SPAG17: variants seen among roughly 807,000 people sequenced by gnomAD.
SPAG17 encodes the protein sperm-associated antigen 17.
Under a neutral mutation model 273.6 loss-of-function variants are expected in SPAG17, and 169 were observed. The observed-to-expected ratio is 0.62, with a 90% CI of 0.55 to 0.70. SPAG17 has a LOEUF of 0.70. Among genes scored for constraint, SPAG17 ranks in the 30% least tolerant of loss-of-function variants. The pLI is 0.00. For missense variants in SPAG17, 2,557 were observed against 2,627.8 expected (o/e 0.97, Z 0.59); for synonymous variants, 825 against 873.2 (o/e 0.94, Z 0.97).
Position 118,023,473 on chromosome 1 carries a change from G to C in SPAG17, c.3910-10C>G. The C allele has an allele frequency of 6.2e-7, 1 of 1,600,472 alleles. No individual in the cohort carries two copies. The highest frequency in any genetic ancestry group is 8.5e-7 in the Non-Finnish European group (1 of 1,173,526). Reference sequence around the variant, plus strand: ...CATCTGCAAAGAGAATCTGAAGAATGAACAAAAGTTTTCAGCATTCTCAGA... The same window carrying C: ...CATCTGCAAAGAGAATCTGAAGAATCAACAAAAGTTTTCAGCATTCTCAGA... On this transcript the variant is annotated splice_polypyrimidine_tract_variant and intron_variant, in intron 27 of 48. Coordinates refer to ENST00000336338, the MANE Select transcript of SPAG17 (RefSeq NM_206996.4).
At chr1:118,125,086 T>C (rs1208760530) in intron 3 of SPAG17, among the ~76,000 whole-genome samples, 1 of 152,148 alleles carries the variant, frequency 6.6e-6, no homozygotes, top group African/African-American at 2.4e-5. Flanking sequence ...CAACTCTAAA[T>C]AGCTGAGCTG....
chr1:118,016,947 A>G (rs1253411423), intron 28 of SPAG17, among the ~76,000 whole-genome samples: 2 of 152,234 alleles, frequency 1.3e-5, no homozygotes, highest in African/African-American at 2.4e-5. Context: ...TCACATCTCA[A>G]TGATGAGGTA....
chr1:117,987,063 AT>A (rs1260612847), intron 40 of SPAG17, among the ~76,000 whole-genome samples: 1 of 152,138 alleles, frequency 6.6e-6, no homozygotes, highest in Admixed American at 6.5e-5. Flanking sequence ...TTTTTGCCCT[AT>A]CATATTTCTC....
At position 117,981,482 on chromosome 1, in the gene SPAG17, T is replaced by C. The variant is rs74569219; in HGVS notation, c.5873-81A>G. On this transcript the variant is annotated intron_variant, in intron 42 of 48. Transcript: ENST00000336338. ...CTACTAATGTTTGCATGAACAAACA[T>C]TGAAGAAGGTGTTTTACAATGAATG... 1,066 of 1,422,998 alleles carry C rather than the reference T, an allele frequency of 7.5e-4. 11 individuals are homozygous for C. The African/African-American group carries it at 0.014, about 19-fold the overall frequency. The allele number at this position is 1,422,998 out of a possible 1,614,324, so 88.1% of individuals were successfully genotyped here.
intron 40 of SPAG17, among the ~76,000 whole-genome samples, chr1:117,986,895 T>A (rs1656476020): frequency 6.6e-6 from 1 of 152,192 alleles, no homozygotes; most frequent in South Asian, 2.1e-4. Flanking sequence ...TTTTCTGACC[T>A]TCCCCTGAAG....
At chr1:118,046,203 G>A (rs1438236976) in intron 20 of SPAG17, among the ~76,000 whole-genome samples, 2 of 152,036 alleles carry the variant, frequency 1.3e-5, no homozygotes, top group Non-Finnish European at 2.9e-5. Flanking sequence ...TGGGCATGGT[G>A]GCACACTGCT....
intron 15 of SPAG17, 146 bp downstream of exon 15, chr1:118,080,955 T>C (rs1190278563): frequency 7.7e-6 from 5 of 651,812 alleles, no homozygotes; most frequent in African/African-American, 5.5e-5. Flanking sequence ...AGAGAACTTA[T>C]GGAACAACAA....
chr1:118,129,720 C>A (rs1657948431), intron 3 of SPAG17, among the ~76,000 whole-genome samples: 1 of 148,306 alleles, frequency 6.7e-6, no homozygotes, highest in Non-Finnish European at 1.5e-5. Flanking sequence ...TCTTTTCTTT[C>A]TTTCCCTTTC....
intron 41 of SPAG17, 84 bp downstream of exon 41, chr1:117,984,599 G>C: frequency 4.6e-6 from 4 of 867,120 alleles, no homozygotes; most frequent in Non-Finnish European, 7.3e-6. Flanking sequence ...ACAGCATCAG[G>C]AAAGACAGAT....
intron 18 of SPAG17, among the ~76,000 whole-genome samples, chr1:118,066,339 A>G (rs1054306968): frequency 6.6e-6 from 1 of 152,126 alleles, no homozygotes; most frequent in Non-Finnish European, 1.5e-5. Flanking sequence ...CTCTGTTGGT[A>G]TATTACTCAG....
chr1:117,990,867 T>C lies in SPAG17; in HGVS notation c.5515A>G (p.Thr1839Ala). The C allele has an allele frequency of 1.3e-6, 2 of 1,571,116 alleles. No homozygotes were observed. The highest frequency in any genetic ancestry group is 1.7e-6 in the Non-Finnish European group (2 of 1,152,586). ...AATATTAAATGCAACTTACCTTCAG[T>C]AACATGACTTTTTGTAGTTTCCTCC... is the stretch of plus-strand genomic sequence containing the variant. ...KMEETTKSHV[T>A]EVAAHLTDLF... Residue 1839 changes from threonine (T) to alanine (A), a missense_variant, in exon 38 of 49, where the codon ACT becomes GCT. Thr to Ala is a moderately conservative substitution (Grantham distance 58). Coordinates refer to ENST00000336338, the MANE Select transcript of SPAG17 (RefSeq NM_206996.4).
chr1:117,973,277 G>A, intron 44 of SPAG17, 148 bp downstream of exon 44: 1 of 915,982 alleles, frequency 1.1e-6, no homozygotes, highest in Non-Finnish European at 1.6e-6. Flanking sequence ...ACGGTCAATA[G>A]CAGTACACAG....
chr1:118,081,419 T>C lies in SPAG17; in HGVS notation c.1986A>G (p.Lys662=), dbSNP rs1241466081. 1 of 1,613,810 alleles carries C rather than the reference T, an allele frequency of 6.2e-7. No individual in the cohort carries two copies. Among genetic ancestry groups the C allele is most frequent in the Admixed American group, 1.7e-5 (1 of 60,010 alleles). ...CATTCCCTCCATGCAGTGTACCTGC[T>C]TTCTGCTTGGCCTCTTGAGTATTCA... ...MKMNTQEAKQ[K]ADIKIKDRTL... The change falls in exon 14 of 49, where the codon AAA becomes AAG. Residue 662 remains lysine, a synonymous_variant. Transcript: ENST00000336338.
intron 46 of SPAG17, among the ~76,000 whole-genome samples, chr1:117,968,547 A>G (rs1046683946): frequency 6.6e-6 from 1 of 152,248 alleles, no homozygotes; most frequent in Non-Finnish European, 1.5e-5. Flanking sequence ...TTCAGCCTGT[A>G]TAATACTGTT....
In SPAG17 at chr1:117,954,069, C is replaced by T; in HGVS notation, c.*1-20G>A. On this transcript the variant is annotated intron_variant, in intron 48 of 48. Transcript: ENST00000336338. ...AAGAAACTGCAAAAATGAAGGAACA[C>T]AAAGCCATTTGTAAAGCTGCAGGGA... 1 of 1,611,480 alleles carries T rather than the reference C, an allele frequency of 6.2e-7. No individual in the cohort carries two copies. The highest frequency in any genetic ancestry group is 1.1e-5 in the South Asian group (1 of 90,874).
intron 30 of SPAG17, among the ~76,000 whole-genome samples, chr1:118,011,693 T>A (rs1195542643): frequency 3.9e-5 from 6 of 152,202 alleles, no homozygotes; most frequent in Non-Finnish European, 7.4e-5. Flanking sequence ...TACAAACCTG[T>A]ACATGTACCC....
intron 26 of SPAG17, among the ~76,000 whole-genome samples, chr1:118,026,088 C>A (rs1463796418): frequency 6.6e-6 from 1 of 152,184 alleles, no homozygotes; most frequent in Admixed American, 6.5e-5. Flanking sequence ...TGGATACACA[C>A]GCTGCCCTGG....
chr1:118,094,780 C>A (rs1342609717), intron 7 of SPAG17, among the ~76,000 whole-genome samples: 1 of 152,172 alleles, frequency 6.6e-6, no homozygotes, highest in Non-Finnish European at 1.5e-5. Context: ...TCCCCATCAT[C>A]CTCAATGCTG....
intron 36 of SPAG17, 48 bp from the exon 37 acceptor site, chr1:117,991,576 G>T: frequency 8.5e-7 from 1 of 1,181,010 alleles, no homozygotes; most frequent in Non-Finnish European, 1.2e-6. Context: ...GAATTAGGAA[G>T]AGAGAGATAC....
Sources: allele counts gnomAD v4.1 joint callset (sites outside exome capture counted in the v4.1 genomes callset), GRCh38; gene constraint gnomAD v4.1.1; transcripts MANE v1.5; gene names NCBI Gene and HGNC (gene_info 2026-07-23, HGNC 2026-07-21).